PTGIS: variants seen among roughly 807,000 people sequenced by gnomAD.
PTGIS encodes prostaglandin I2 synthase.
A neutral mutation model predicts 50.3 loss-of-function variants in PTGIS; 45 were observed. The ratio of observed to expected loss-of-function variants is 0.90; its 90% CI spans 0.70 to 1.15. PTGIS has a LOEUF of 1.15. Ranked by LOEUF, PTGIS falls within the 50% of genes most tolerant of loss-of-function variation. The pLI, the probability that PTGIS is intolerant of heterozygous loss-of-function variation, is 0.00. For missense variants in PTGIS, 668 were observed against 661.3 expected (o/e 1.01, Z -0.11); for synonymous variants, 260 against 267.7 (o/e 0.97, Z 0.28).
intron 1 of PTGIS, among the ~76,000 whole-genome samples, chr20:49,564,679 A>C (rs898280305): frequency 6.6e-6 from 1 of 152,232 alleles, no homozygotes. Flanking sequence ...GTTTTAAATT[A>C]AATTCTAAAG....
chr20:49,556,721 G>A (rs1409029068), intron 1 of PTGIS, among the ~76,000 whole-genome samples: 1 of 152,154 alleles, frequency 6.6e-6, no homozygotes, highest in Non-Finnish European at 1.5e-5. Context: ...GAAAAGTCAT[G>A]TTTCAAAATT....
chr20:49,506,272 C>T lies in PTGIS; in HGVS notation c.*1648G>A, dbSNP rs1198997953. The T allele has an allele frequency of 6.6e-6, 1 of 152,094 alleles. No homozygotes were observed. The allele number at this position is 152,094 out of a possible 1,614,324, so 9.4% of individuals were successfully genotyped here. On this transcript the variant is annotated 3_prime_UTR_variant, in exon 10 of 10. Coordinates refer to ENST00000244043, the MANE Select transcript of PTGIS (RefSeq NM_000961.4). The stretch of plus-strand genomic sequence containing the variant: ...TAGACATACTGTCTGTAGGGTCTCT[C>T]GCAGGCATTTAAAGGGTCTCAATAA...
chr20:49,567,485 C>T (rs1982929263), intron 1 of PTGIS, among the ~76,000 whole-genome samples: 1 of 152,206 alleles, frequency 6.6e-6, no homozygotes, highest in Admixed American at 6.5e-5. Flanking sequence ...TGGGTGGTTC[C>T]AGGGCATGAT....
chr20:49,533,650 T>C lies in PTGIS; in HGVS notation c.673+5920A>G, dbSNP rs909497337. Among the ~76,000 whole-genome samples, 4 of 152,190 alleles carry C rather than the reference T, an allele frequency of 2.6e-5. No individual in the cohort carries two copies. In the East Asian group the frequency reaches 7.7e-4, roughly 29 times the overall value. ...CGGCCTTCCCAAAGGCAAAAATCTA[T>C]ACATACTCCCACATTTTTAAAAATG... On this transcript the variant is annotated intron_variant, in intron 5 of 9. Coordinates refer to ENST00000244043, the MANE Select transcript of PTGIS (RefSeq NM_000961.4).
At chr20:49,533,546 GA>G (rs140836629) in intron 5 of PTGIS, among the ~76,000 whole-genome samples, 2 of 151,520 alleles carry the variant, frequency 1.3e-5, no homozygotes, top group African/African-American at 4.9e-5. Context: ...TATGCATACA[GA>G]AAAAAAAGAA....
At chr20:49,549,942 G>T in intron 2 of PTGIS, 124 bp downstream of exon 2, 1 of 1,509,740 alleles carries the variant, frequency 6.6e-7, no homozygotes, top group Non-Finnish European at 9.1e-7. Context: ...CGACCACTCA[G>T]ATGGATGTTG....
intron 3 of PTGIS, among the ~76,000 whole-genome samples, chr20:49,544,650 A>C (rs887755816): frequency 5.9e-5 from 9 of 152,184 alleles, no homozygotes; most frequent in Non-Finnish European, 1.2e-4. Flanking sequence ...ACTGAGCCTA[A>C]TCTCATTTCG....
chr20:49,530,456 C>T (rs1297936978), intron 5 of PTGIS, among the ~76,000 whole-genome samples: 1 of 152,156 alleles, frequency 6.6e-6, no homozygotes, highest in Non-Finnish European at 1.5e-5. Flanking sequence ...AGAGGGATTG[C>T]TGGATCATGT....
intron 5 of PTGIS, among the ~76,000 whole-genome samples, chr20:49,536,959 T>C (rs1190243145): frequency 1.3e-5 from 2 of 151,942 alleles, no homozygotes; most frequent in African/African-American, 4.8e-5. Context: ...TCTTAGCCAC[T>C]CCCCTCCACG....
At chr20:49,539,090 C>A (rs534550867) in intron 5 of PTGIS, among the ~76,000 whole-genome samples, 1 of 152,252 alleles carries the variant, frequency 6.6e-6, no homozygotes, top group Non-Finnish European at 1.5e-5. Context: ...TAACACACAT[C>A]TGTGTGTCTG....
intron 2 of PTGIS, among the ~76,000 whole-genome samples, chr20:49,548,423 C>T (rs986417908): frequency 6.6e-6 from 1 of 151,860 alleles, no homozygotes; most frequent in South Asian, 2.1e-4. Flanking sequence ...CTGTGCACAT[C>T]ATGGATGGAT....
intron 5 of PTGIS, among the ~76,000 whole-genome samples, chr20:49,538,129 C>A (rs1452125307): frequency 6.6e-6 from 1 of 151,150 alleles, no homozygotes; most frequent in Non-Finnish European, 1.5e-5. Flanking sequence ...GTGGCATATG[C>A]CTGTAGTCCC....
intron 8 of PTGIS, among the ~76,000 whole-genome samples, chr20:49,512,844 A>G (rs537997829): frequency 1.3e-5 from 2 of 152,288 alleles, no homozygotes; most frequent in Non-Finnish European, 2.9e-5. Context: ...GAGTGGGGCC[A>G]TCAATATCTG....
At chr20:49,512,298 T>A (rs1981342976) in intron 8 of PTGIS, among the ~76,000 whole-genome samples, 1 of 151,846 alleles carries the variant, frequency 6.6e-6, no homozygotes, top group African/African-American at 2.4e-5. Flanking sequence ...AATGGATGAA[T>A]GGACAGATGG....
intron 6 of PTGIS, among the ~76,000 whole-genome samples, chr20:49,518,702 A>C (rs774112065): frequency 5.3e-5 from 8 of 152,046 alleles, no homozygotes; most frequent in Non-Finnish European, 8.8e-5. Flanking sequence ...ACAGATGGTG[A>C]AACTTAAGCC....
chr20:49,524,090 G>A lies in PTGIS; in HGVS notation c.823C>T (p.Arg275Trp), dbSNP rs150671072. Reference sequence around the variant, plus strand: ...GCCCACAGCTGCAGCACCAGGGCCCGTGCCTGCATCTCCTCTGACACACCC... The same window carrying A: ...GCCCACAGCTGCAGCACCAGGGCCCATGCCTGCATCTCCTCTGACACACCC... Reference protein sequence around the residue: ...EMGVSEEMQARALVLQLWATQ... With the variant: ...EMGVSEEMQAWALVLQLWATQ... The change falls in exon 6 of 10, where the codon CGG (arginine) becomes TGG (tryptophan). Residue 275 changes from arginine (R) to tryptophan (W), a missense_variant. By Grantham distance (101) the Arg-to-Trp change is moderately radical (BLOSUM62 -3). Coordinates refer to ENST00000244043, the MANE Select transcript of PTGIS (RefSeq NM_000961.4). The A allele has an allele frequency of 1.0e-4, 168 of 1,614,070 alleles. No homozygotes were observed. The highest frequency in any genetic ancestry group is 1.6e-4 in the Middle Eastern group (1 of 6,084).
intron 5 of PTGIS, among the ~76,000 whole-genome samples, chr20:49,538,707 C>T (rs1982147675): frequency 6.6e-6 from 1 of 150,718 alleles, no homozygotes. Flanking sequence ...TTATTTAAGA[C>T]AGAGTCTGGC....
At chr20:49,533,072 T>C (rs1294970497) in intron 5 of PTGIS, among the ~76,000 whole-genome samples, 1 of 152,166 alleles carries the variant, frequency 6.6e-6, no homozygotes, top group African/African-American at 2.4e-5. Context: ...CCCCATGCTA[T>C]GTAGCCTCGG....
rs143181745 is a variant in PTGIS at position 49,562,709 on chromosome 20, C to T, written c.74+5334G>A. Reference sequence around the variant, plus strand: ...ATCCCAAGGCATCTTTTCTGATTTCCGACTGGAGCCCCATCACATGGGTTC... The same window carrying T: ...ATCCCAAGGCATCTTTTCTGATTTCTGACTGGAGCCCCATCACATGGGTTC... On this transcript the variant is annotated intron_variant, in intron 1 of 9. Coordinates refer to ENST00000244043, the MANE Select transcript of PTGIS (RefSeq NM_000961.4). Among the ~76,000 whole-genome samples, 720 of 152,326 alleles carry T rather than the reference C, an allele frequency of 4.7e-3. 4 individuals are homozygous for T. Among genetic ancestry groups the T allele is most frequent in the African/African-American group, 0.017 (692 of 41,558 alleles).
Sources: allele counts gnomAD v4.1 joint callset (sites outside exome capture counted in the v4.1 genomes callset), GRCh38; gene constraint gnomAD v4.1.1; transcripts MANE v1.5; gene names NCBI Gene and HGNC (gene_info 2026-07-23, HGNC 2026-07-21).